Variants in DIS3L observed in about 807,000 individuals in gnomAD.
DIS3L encodes DIS3-like exonuclease 1.
A neutral mutation model predicts 120.3 loss-of-function variants in DIS3L; 100 were observed. That is an observed-to-expected ratio of 0.83 (90% confidence interval 0.71 to 0.98). DIS3L has a LOEUF of 0.98. Among genes scored for constraint, DIS3L ranks in the 50% least tolerant of loss-of-function variants. The probability of loss-of-function intolerance (pLI) is 0.00; values close to 1 mark genes in which losing one functional copy is unlikely to be tolerated. For missense variants in DIS3L, 1,196 were observed against 1,314.2 expected (o/e 0.91, Z 1.39); for synonymous variants, 426 against 470.6 (o/e 0.91, Z 1.23).
intron 7 of DIS3L, among the ~76,000 whole-genome samples, chr15:66,318,123 G>A (rs2092839931): frequency 6.6e-6 from 1 of 152,096 alleles, no homozygotes; most frequent in East Asian, 1.9e-4. Context: ...ACAGGCGCAC[G>A]CCACCATGCC....
At chr15:66,314,947 T>G in intron 6 of DIS3L, 89 bp from the exon 7 acceptor site, 1 of 1,381,720 alleles carries the variant, frequency 7.2e-7, no homozygotes, top group South Asian at 1.4e-5. Context: ...GAGTACTGAT[T>G]AGACTTCGAG....
chr15:66,313,879 A>ATG lies in DIS3L; in HGVS notation c.736-152_736-151dup, dbSNP rs578134480. On this transcript the variant is annotated intron_variant, in intron 5 of 16. Transcript: ENST00000319212. ...TATATATGTGTGTATATATATATAT[A>ATG]TGTGTGTGTATATATATATATATAG... Among the ~76,000 whole-genome samples the ATG allele has an allele frequency of 2.0e-3, 284 of 139,512 alleles. 2 individuals are homozygous for ATG. Among genetic ancestry groups the ATG allele is most frequent in the South Asian group, 0.018 (87 of 4,738 alleles). The allele number at this position is 139,512 out of a possible 152,430, so 91.5% of individuals were successfully genotyped here.
intron 5 of DIS3L, 65 bp downstream of exon 5, chr15:66,311,965 C>CT: frequency 6.3e-7 from 1 of 1,577,614 alleles, no homozygotes; most frequent in Non-Finnish European, 8.6e-7. Context: ...AATCCCAGCA[C>CT]TTTGGCTAAG....
chr15:66,320,480 A>G, intron 8 of DIS3L, 91 bp from the exon 9 acceptor site: 1 of 1,414,866 alleles, frequency 7.1e-7, no homozygotes, highest in Non-Finnish European at 9.5e-7. Context: ...CTTGGAACCC[A>G]GTATTGTTTG....
intron 15 of DIS3L, among the ~76,000 whole-genome samples, chr15:66,332,516 A>T (rs8032684): frequency 3.3e-5 from 3 of 92,060 alleles, no homozygotes; most frequent in Non-Finnish European, 4.9e-5. Flanking sequence ...GTGTGTGTGT[A>T]TATATATACA....
At chr15:66,328,903 C>G (rs919881527) in intron 12 of DIS3L, 67 bp from the exon 13 acceptor site, 3 of 1,532,920 alleles carry the variant, frequency 2.0e-6, no homozygotes, top group Non-Finnish European at 2.6e-6. Context: ...GTGAAGGGTT[C>G]CCCTCAAAGT....
chr15:66,315,195 C>T lies in DIS3L; in HGVS notation c.974C>T (p.Pro325Leu), dbSNP rs1459934782. Residue 325 changes from proline (P) to leucine (L), a missense_variant, in exon 7 of 17, where the codon CCA becomes CTA. Coordinates refer to ENST00000319212, the MANE Select transcript of DIS3L (RefSeq NM_001143688.3). ...DCDDKASGES[P>L]SEPMPTGRVV... The stretch of plus-strand genomic sequence containing the variant: ...GACGACAAGGCTTCGGGCGAGTCCC[C>T]AAGTGAGCCCATGCCTACAGGTGAG... The T allele has an allele frequency of 3.7e-6, 6 of 1,612,892 alleles. No homozygotes were observed. Among genetic ancestry groups the T allele is most frequent in the Non-Finnish European group, 4.2e-6 (5 of 1,179,296 alleles).
At chr15:66,322,988 G>C (rs2092901630) in intron 10 of DIS3L, 54 bp downstream of exon 10, 2 of 1,596,914 alleles carry the variant, frequency 1.3e-6, no homozygotes, top group Admixed American at 1.7e-5. Flanking sequence ...TGGATATTTT[G>C]TGTCTGTACT....
chr15:66,326,972 C>G (rs2092945687), intron 12 of DIS3L, among the ~76,000 whole-genome samples: 1 of 151,742 alleles, frequency 6.6e-6, no homozygotes, highest in African/African-American at 2.4e-5. Context: ...CTCTGTCATC[C>G]AGGCTGGAGT....
At chr15:66,294,407 T>C in intron 1 of DIS3L, 2 of 985,616 alleles carry the variant, frequency 2.0e-6, no homozygotes. Context: ...CTGGGGGTCC[T>C]TGTCAGCGAA....
At chr15:66,320,494 CTTGT>C (rs2140383976) in intron 8 of DIS3L, 73 bp from the exon 9 acceptor site, 5 of 1,486,228 alleles carry the variant, frequency 3.4e-6, no homozygotes, top group South Asian at 2.7e-5. Flanking sequence ...TTGTTTGCCT[CTTGT>C]TTGTTTGATG....
At chr15:66,298,179 CAAA>C (rs11419116) in intron 2 of DIS3L, among the ~76,000 whole-genome samples, 34 of 45,998 alleles carry the variant, frequency 7.4e-4, no homozygotes, top group African/African-American at 1.2e-3. Context: ...GACTCCGTCT[CAAA>C]AAAAAAAAAA....
At chr15:66,294,471 G>C in intron 1 of DIS3L, 7 of 986,418 alleles carry the variant, frequency 7.1e-6, no homozygotes, top group Non-Finnish European at 7.2e-6. Context: ...GTTAGAGCTT[G>C]GCTAACCAGC....
chr15:66,316,447 C>T (rs917196404), intron 7 of DIS3L, among the ~76,000 whole-genome samples: 1 of 152,154 alleles, frequency 6.6e-6, no homozygotes, highest in Non-Finnish European at 1.5e-5. Flanking sequence ...GCAGCCTCCT[C>T]ACTGCTCTTC....
At chr15:66,299,950 CTG>C (rs1470524293) in intron 2 of DIS3L, among the ~76,000 whole-genome samples, 1 of 152,070 alleles carries the variant, frequency 6.6e-6, no homozygotes, top group African/African-American at 2.4e-5. Context: ...ACTCGGGAGA[CTG>C]AGACATGAGA....
intron 5 of DIS3L, among the ~76,000 whole-genome samples, chr15:66,313,113 A>G (rs2092779070): frequency 6.6e-6 from 1 of 152,012 alleles, no homozygotes. Context: ...CTTCTGCCTC[A>G]GCCTCCTGAG....
intron 14 of DIS3L, chr15:66,330,715 T>G: frequency 5.5e-6 from 1 of 181,234 alleles, no homozygotes; most frequent in Non-Finnish European, 1.1e-5. Context: ...ATTTCTATCA[T>G]TGCAGAAAGT....
intron 2 of DIS3L, among the ~76,000 whole-genome samples, chr15:66,305,669 C>G (rs1416139179): frequency 6.6e-6 from 1 of 151,982 alleles, no homozygotes; most frequent in Admixed American, 6.6e-5. Context: ...GAACTACAGG[C>G]ACGTACCACC....
intron 2 of DIS3L, among the ~76,000 whole-genome samples, chr15:66,300,311 A>G (rs1254734330): frequency 6.6e-6 from 1 of 152,242 alleles, no homozygotes; most frequent in Non-Finnish European, 1.5e-5. Flanking sequence ...CATATGTTGT[A>G]TAATTCCATT....
Sources: allele counts gnomAD v4.1 joint callset (sites outside exome capture counted in the v4.1 genomes callset), GRCh38; gene constraint gnomAD v4.1.1; transcripts MANE v1.5; gene names NCBI Gene and HGNC (gene_info 2026-07-23, HGNC 2026-07-21).